Variants in PUS7 observed in about 807,000 individuals in gnomAD.
PUS7 encodes pseudouridine synthase 7.
PUS7 carries 48 observed loss-of-function variants against 79.8 expected under a neutral mutation model. The ratio of observed to expected loss-of-function variants is 0.60; its 90% CI spans 0.48 to 0.76. The LOEUF (loss-of-function observed/expected upper bound fraction) is 0.76, where lower values mean the gene tolerates loss of function less well. Among genes scored for constraint, PUS7 ranks in the 30% least tolerant of loss-of-function variants. The pLI is 0.00. For synonymous variants in PUS7, 286 were observed against 272.2 expected (o/e 1.05, Z -0.50); for missense variants, 729 against 797.6 (o/e 0.91, Z 1.04).
In PUS7 at chr7:105,503,235, C is replaced by G. The variant is rs1333518597; in HGVS notation, c.586-671G>C. On this transcript the variant is annotated intron_variant, in intron 4 of 15. Transcript: ENST00000469408. ...CCAGGCTGTCAAACCCATGGGCCACCAACCCAGATGCACCTTCTCAGGGTC... is the reference window on the plus strand; with the variant it reads ...CCAGGCTGTCAAACCCATGGGCCACGAACCCAGATGCACCTTCTCAGGGTC... Among the ~76,000 whole-genome samples, 4 of 152,158 alleles carry G rather than the reference C, an allele frequency of 2.6e-5. No individual in the cohort carries two copies. The East Asian group carries it at 7.7e-4, about 29-fold the overall frequency.
intron 1 of PUS7, among the ~76,000 whole-genome samples, chr7:105,521,352 G>A (rs761195386): frequency 6.6e-6 from 1 of 152,206 alleles, no homozygotes; most frequent in Non-Finnish European, 1.5e-5. Flanking sequence ...GGCAACGAAG[G>A]TGTGCTTCTA....
At chr7:105,476,420 C>A (rs1241390882) in intron 9 of PUS7, among the ~76,000 whole-genome samples, 1 of 152,054 alleles carries the variant, frequency 6.6e-6, no homozygotes. Context: ...TGTAGTGCTA[C>A]CATCTCAGCT....
At position 105,521,820 on chromosome 7, in the gene PUS7, G is replaced by GGAGCGGGGAGCGGGGAGCGGA. The variant is rs200474347; in HGVS notation, c.-33+231_-33+232insTCCGCTCCCCGCTCCCCGCTC. ...CCGGGCAGAGCGGAGCGGGGAGCGGGGAGCGGAGAGCGGCGCCTGCACCGC... is the reference window on the plus strand; with the variant it reads ...CCGGGCAGAGCGGAGCGGGGAGCGGGGAGCGGGGAGCGGGGAGCGGAGAGCGGAGAGCGGCGCCTGCACCGC... On this transcript the variant is annotated intron_variant, in intron 1 of 15. Transcript: ENST00000469408. Among the ~76,000 whole-genome samples, 18 of 151,436 alleles carry GGAGCGGGGAGCGGGGAGCGGA rather than the reference G, an allele frequency of 1.2e-4. No homozygotes were observed. In the South Asian group the frequency reaches 1.5e-3, roughly 12 times the overall value.
chr7:105,480,819 GA>G (rs2133125091), intron 9 of PUS7, among the ~76,000 whole-genome samples: 1 of 151,980 alleles, frequency 6.6e-6, no homozygotes, highest in East Asian at 1.9e-4. Flanking sequence ...AATAAAAATA[GA>G]ACCCCTGGAT....
At position 105,465,322 on chromosome 7, in the gene PUS7, T is replaced by C; in HGVS notation, c.1618A>G (p.Lys540Glu). 6.2e-7 allele frequency: 1 copy of C among 1,607,126 alleles called. No homozygotes were observed. Among genetic ancestry groups the C allele is most frequent in the East Asian group, 2.2e-5 (1 of 44,776 alleles). The change falls in exon 13 of 16, where the codon AAG becomes GAG. Residue 540 changes from lysine to glutamate, a missense_variant. Coordinates refer to ENST00000469408, the MANE Select transcript of PUS7 (RefSeq NM_019042.5). ...PLPGFDVIYP[K>E]HKIQEAYREM... ...CATACAGGGAACTTACTTTTATGCT[T>C]TGGGTAGATAACATCGAAACCAGGC...
intron 7 of PUS7, among the ~76,000 whole-genome samples, chr7:105,488,919 C>T (rs567637273): frequency 1.3e-5 from 2 of 152,028 alleles, no homozygotes; most frequent in Admixed American, 6.6e-5. Flanking sequence ...GAGGCCAAGA[C>T]GGGTGGATCA....
chr7:105,511,439 AT>A (rs200524625), intron 1 of PUS7, among the ~76,000 whole-genome samples: 31 of 135,590 alleles, frequency 2.3e-4, no homozygotes, highest in African/African-American at 7.8e-4. Flanking sequence ...ATAAATTTTC[AT>A]TTAAAAAAAA....
In PUS7 at chr7:105,481,189, C is replaced by A. The variant is rs776070754; in HGVS notation, c.1050-12G>T. On this transcript the variant is annotated splice_polypyrimidine_tract_variant and intron_variant, in intron 8 of 15. Coordinates refer to ENST00000469408, the MANE Select transcript of PUS7 (RefSeq NM_019042.5). ...TTCCTGTTATATTTCTACAGGGACA[C>A]AAATTATCCAGAGGAAAAAAAGTTA... The A allele has an allele frequency of 6.2e-7, 1 of 1,600,520 alleles. No individual in the cohort carries two copies. The highest frequency in any genetic ancestry group is 1.3e-5 in the African/African-American group (1 of 74,198).
intron 1 of PUS7, among the ~76,000 whole-genome samples, chr7:105,520,128 A>C (rs973821629): frequency 1.3e-5 from 2 of 152,118 alleles, no homozygotes; most frequent in Non-Finnish European, 2.9e-5. Context: ...GTTCAAGACC[A>C]GCCTGGCCAA....
chr7:105,493,607 C>G (rs1293818381), intron 6 of PUS7, among the ~76,000 whole-genome samples: 1 of 152,140 alleles, frequency 6.6e-6, no homozygotes, highest in African/African-American at 2.4e-5. Flanking sequence ...GGAGATAGGG[C>G]CTTCAAAGAG....
At chr7:105,468,507 A>G in intron 11 of PUS7, 44 bp from the exon 12 acceptor site, 1 of 1,534,980 alleles carries the variant, frequency 6.5e-7, no homozygotes, top group Non-Finnish European at 8.8e-7. Context: ...TATTCTAAAT[A>G]TAAAAAGTGC....
intron 14 of PUS7, among the ~76,000 whole-genome samples, chr7:105,460,300 T>A (rs1487774411): frequency 6.6e-6 from 1 of 152,086 alleles, no homozygotes; most frequent in Non-Finnish European, 1.5e-5. Flanking sequence ...TGTGATCAAA[T>A]TACTTACGGC....
chr7:105,482,627 G>A (rs1032297973), intron 7 of PUS7, among the ~76,000 whole-genome samples, 187 bp from the exon 8 acceptor site: 13 of 152,114 alleles, frequency 8.5e-5, no homozygotes, highest in Non-Finnish European at 2.9e-5. Context: ...TTCCTTCAGT[G>A]TAATGGTACG....
chr7:105,468,884 C>T (rs1421273514), intron 11 of PUS7, among the ~76,000 whole-genome samples: 1 of 151,916 alleles, frequency 6.6e-6, no homozygotes, highest in Non-Finnish European at 1.5e-5. Context: ...GAAACTTCTA[C>T]TGTACTTATT....
intron 7 of PUS7, among the ~76,000 whole-genome samples, chr7:105,487,762 C>T (rs1392368108): frequency 6.6e-6 from 1 of 152,104 alleles, no homozygotes; most frequent in East Asian, 1.9e-4. Flanking sequence ...AATACTGGCC[C>T]AAGTTCAGAA....
chr7:105,495,091 T>G, intron 6 of PUS7, 51 bp downstream of exon 6: 2 of 1,053,710 alleles, frequency 1.9e-6, no homozygotes, highest in Non-Finnish European at 1.4e-6. Context: ...GAAAAAGGAA[T>G]ATACGTTTCT....
chr7:105,482,306 C>A lies in PUS7; in HGVS notation c.1049+6G>T. On this transcript the variant is annotated splice_donor_region_variant and intron_variant, in intron 8 of 15. Coordinates refer to ENST00000469408, the MANE Select transcript of PUS7 (RefSeq NM_019042.5). Reference sequence around the variant, plus strand: ...CTGGTCTACATTCCCACCTGCAGTTCTTTACCTGAGAACAACAGTGAAGTG... The same window carrying A: ...CTGGTCTACATTCCCACCTGCAGTTATTTACCTGAGAACAACAGTGAAGTG... The A allele has an allele frequency of 6.2e-7, 1 of 1,612,842 alleles. No homozygotes were observed. The highest frequency in any genetic ancestry group is 1.3e-5 in the African/African-American group (1 of 74,976).
intron 11 of PUS7, 60 bp from the exon 12 acceptor site, chr7:105,468,523 T>C: frequency 4.3e-6 from 2 of 465,394 alleles, no homozygotes; most frequent in Non-Finnish European, 3.1e-6. Context: ...AGTGCTGTAC[T>C]TTTTTTTTTT....
At chr7:105,468,105 G>A (rs2133065633) in intron 12 of PUS7, among the ~76,000 whole-genome samples, 1 of 152,188 alleles carries the variant, frequency 6.6e-6, no homozygotes, top group Non-Finnish European at 1.5e-5. Flanking sequence ...GCTAATTTTT[G>A]TATTTTCAGT....
Sources: gnomAD v4.1 joint callset for allele counts (sites outside exome capture counted in the v4.1 genomes callset) on GRCh38, gnomAD v4.1.1 for gene constraint, MANE v1.5 for transcripts, NCBI Gene and HGNC (gene_info 2026-07-23, HGNC 2026-07-21) for gene names.